The following PON2 variants were observed in gnomAD, a reference collection of about 807,000 sequenced individuals.
The protein encoded by PON2 is paraoxonase 2.
Under a neutral mutation model 36.6 loss-of-function variants are expected in PON2, and 27 were observed. The observed-to-expected ratio is 0.74, with a 90% CI of 0.54 to 1.02. The LOEUF (loss-of-function observed/expected upper bound fraction) is 1.02, where lower values mean the gene tolerates loss of function less well. Ranked by LOEUF, PON2 falls within the 50% of genes least tolerant of loss-of-function variation. The pLI, the probability that PON2 is intolerant of heterozygous loss-of-function variation, is 0.00. For synonymous variants in PON2, 149 were observed against 156.3 expected, an observed-to-expected ratio of 0.95 and a Z score of 0.35; for missense variants, 363 against 421.1, an observed-to-expected ratio of 0.86 and a Z score of 1.21.
At chr7:95,412,775 A>G (rs1056396623) in intron 3 of PON2, 1 of 417,522 alleles carries the variant, frequency 2.4e-6, no homozygotes, top group Non-Finnish European at 4.4e-6. Flanking sequence ...TGACATCTAC[A>G]TACTGACTGT....
chr7:95,405,542 C>T (rs1462356339), intron 8 of PON2, 54 bp from the exon 9 acceptor site: 4 of 1,523,744 alleles, frequency 2.6e-6, no homozygotes, highest in Non-Finnish European at 3.6e-6. Flanking sequence ...GCATGTCACT[C>T]AATCATCAAT....
At chr7:95,412,186 A>C in intron 4 of PON2, 126 bp downstream of exon 4, 1 of 1,288,432 alleles carries the variant, frequency 7.8e-7, no homozygotes, top group Non-Finnish European at 1.1e-6. Flanking sequence ...TTTGTAATGA[A>C]GAATACAGAA....
At position 95,407,086 on chromosome 7, in the gene PON2, A is replaced by G. The variant is rs1265463916; in HGVS notation, c.696-18T>C. 6.7e-7 allele frequency: 1 copy of G among 1,493,066 alleles called. No homozygotes were observed. The highest frequency in any genetic ancestry group is 1.4e-5 in the African/African-American group (1 of 72,384). The allele number at this position is 1,493,066 out of a possible 1,614,324, so 92.5% of individuals were successfully genotyped here. A position where few individuals can be genotyped will look rare whatever the true frequency, so the allele number is the denominator to read the frequency against. ...AGATATACCTTTGCAGAAAGGACAC[A>G]GTGGTTAGAGCTCCATGCCAATATA... On this transcript the variant is annotated intron_variant, in intron 6 of 8. Coordinates refer to ENST00000222572, the MANE Select transcript of PON2 (RefSeq NM_000305.3).
chr7:95,406,205 G>C lies in PON2; in HGVS notation c.820C>G (p.Pro274Ala). The C allele has an allele frequency of 6.2e-7, 1 of 1,612,110 alleles. No individual in the cohort carries two copies. The highest frequency in any genetic ancestry group is 8.5e-7 in the Non-Finnish European group (1 of 1,178,234). Residue 274 changes from proline to alanine, a missense_variant, in exon 8 of 9, where the codon CCT (proline) becomes GCT (alanine). Coordinates refer to ENST00000222572, the MANE Select transcript of PON2 (RefSeq NM_000305.3). ...CCTACCCAGATGTCCCCCGAGGAAG[G>C]ATCAATAGATAAATTATCCACCAGT... ...DTLVDNLSID[P>A]SSGDIWVGCH...
chr7:95,422,063 C>T (rs987561634), intron 2 of PON2, among the ~76,000 whole-genome samples: 1 of 152,180 alleles, frequency 6.6e-6, no homozygotes, highest in African/African-American at 2.4e-5. Context: ...TACAGACACA[C>T]AAACTCAACA....
intron 8 of PON2, 89 bp downstream of exon 8, chr7:95,406,026 ATAAC>A: frequency 2.1e-6 from 3 of 1,425,896 alleles, no homozygotes; most frequent in South Asian, 1.2e-5. Context: ...TTGCTTTAAA[ATAAC>A]TAAACAAATC....
intron 2 of PON2, among the ~76,000 whole-genome samples, chr7:95,421,216 C>T (rs1313659639): frequency 6.6e-6 from 1 of 152,130 alleles, no homozygotes; most frequent in African/African-American, 2.4e-5. Context: ...GTTCAGAATA[C>T]AAATGTTGCT....
Position 95,404,910 on chromosome 7 carries a change from C to A in PON2, c.*420G>T. On this transcript the variant is annotated 3_prime_UTR_variant, in exon 9 of 9. Coordinates refer to ENST00000222572, the MANE Select transcript of PON2 (RefSeq NM_000305.3). Reference sequence around the variant, plus strand: ...ATAACTCCAACTTTTTAATGGTAAACAAAGATGTAAGTACAAAACATCAAA... The same window carrying A: ...ATAACTCCAACTTTTTAATGGTAAAAAAAGATGTAAGTACAAAACATCAAA... 1 of 168,646 alleles carries A rather than the reference C, an allele frequency of 5.9e-6. No homozygotes were observed. The highest frequency in any genetic ancestry group is 1.3e-5 in the Non-Finnish European group (1 of 77,038). 10.4% of individuals were successfully genotyped at this position (168,646 alleles called of 1,614,324 possible).
At chr7:95,432,174 C>T (rs1362991234) in intron 1 of PON2, among the ~76,000 whole-genome samples, 2 of 152,204 alleles carry the variant, frequency 1.3e-5, no homozygotes, top group Non-Finnish European at 2.9e-5. Context: ...CTTTGGGAGG[C>T]TGAGGCAGGA....
intron 2 of PON2, among the ~76,000 whole-genome samples, chr7:95,423,139 C>T (rs897682706): frequency 1.3e-5 from 2 of 151,732 alleles, no homozygotes. Context: ...GCCTGGACAA[C>T]ATAACAAGAC....
intron 1 of PON2, among the ~76,000 whole-genome samples, chr7:95,427,365 A>G (rs1789339840): frequency 6.6e-6 from 1 of 151,994 alleles, no homozygotes; most frequent in Admixed American, 6.6e-5. Flanking sequence ...TGTCGTTTCT[A>G]TTGTAGTGGT....
At chr7:95,433,768 A>C (rs1789497527) in intron 1 of PON2, among the ~76,000 whole-genome samples, 1 of 152,110 alleles carries the variant, frequency 6.6e-6, no homozygotes, top group African/African-American at 2.4e-5. Context: ...TACATTTGGC[A>C]TGGGCCCCTT....
At chr7:95,425,955 T>C (rs1164190696) in intron 1 of PON2, among the ~76,000 whole-genome samples, 1 of 152,096 alleles carries the variant, frequency 6.6e-6, no homozygotes, top group Non-Finnish European at 1.5e-5. Context: ...ATAAATCTCA[T>C]GGCCTACGTG....
intron 1 of PON2, among the ~76,000 whole-genome samples, chr7:95,426,525 G>C (rs1789321690): frequency 6.6e-6 from 1 of 152,220 alleles, no homozygotes; most frequent in African/African-American, 2.4e-5. Flanking sequence ...AACTTAGCCA[G>C]AAGTGCTGGA....
intron 2 of PON2, among the ~76,000 whole-genome samples, chr7:95,423,854 C>A (rs1428985266): frequency 6.6e-6 from 1 of 152,074 alleles, no homozygotes; most frequent in East Asian, 1.9e-4. Flanking sequence ...GAAGAAAACA[C>A]ACCCTTCTTC....
chr7:95,433,993 G>A (rs1789503595), intron 1 of PON2, among the ~76,000 whole-genome samples: 1 of 152,184 alleles, frequency 6.6e-6, no homozygotes, highest in African/African-American at 2.4e-5. Flanking sequence ...TACTATAGAA[G>A]CCTAAGAGAG....
At chr7:95,407,522 T>C (rs1451297836) in intron 6 of PON2, among the ~76,000 whole-genome samples, 7 of 152,212 alleles carry the variant, frequency 4.6e-5, no homozygotes, top group African/African-American at 1.7e-4. Flanking sequence ...TAGCGAATTT[T>C]AAGAGTAAGA....
intron 2 of PON2, among the ~76,000 whole-genome samples, chr7:95,416,654 A>G (rs1789068990): frequency 6.6e-6 from 1 of 152,222 alleles, no homozygotes; most frequent in African/African-American, 2.4e-5. Flanking sequence ...GGAAGGGCTC[A>G]TAGGCATTTA....
chr7:95,413,218 CAGG>C (rs1356279448), intron 3 of PON2: 1 of 151,924 alleles, frequency 6.6e-6, no homozygotes, highest in African/African-American at 2.4e-5. Flanking sequence ...CTCTTGAGCG[CAGG>C]AGTTTAGGAG....
Sources: gnomAD v4.1 joint callset for allele counts (sites outside exome capture counted in the v4.1 genomes callset) on GRCh38, gnomAD v4.1.1 for gene constraint, MANE v1.5 for transcripts, NCBI Gene and HGNC (gene_info 2026-07-23, HGNC 2026-07-21) for gene names.